SEMA6A: variants seen among roughly 807,000 people sequenced by gnomAD.
SEMA6A encodes semaphorin-6A.
SEMA6A carries 25 observed loss-of-function variants against 96.8 expected under a neutral mutation model. That is an observed-to-expected ratio of 0.26 (90% CI 0.19 to 0.36). The LOEUF (loss-of-function observed/expected upper bound fraction) is 0.36, where lower values mean the gene tolerates loss of function less well. Ranked by LOEUF, SEMA6A falls within the 10% of genes least tolerant of loss-of-function variation. SEMA6A has a pLI of 1.00. For missense variants in SEMA6A, 1,363 were observed against 1,323.1 expected (o/e 1.03, Z -0.47); for synonymous variants, 612 against 518.0 (o/e 1.18, Z -2.46).
At chr5:116,484,634 AATAAT>A (rs370798499) in intron 10 of SEMA6A, among the ~76,000 whole-genome samples, 7,604 of 128,150 alleles carry the variant, frequency 0.059, 216 homozygotes, top group Middle Eastern at 0.1. Flanking sequence ...GGAAAAAAAA[AATAAT>A]AATAATAATA....
At chr5:116,539,724 A>G (rs1407580042) in intron 1 of SEMA6A, among the ~76,000 whole-genome samples, 1 of 152,208 alleles carries the variant, frequency 6.6e-6, no homozygotes, top group Non-Finnish European at 1.5e-5. Flanking sequence ...TAGAATGGTT[A>G]AAACCATTTC....
rs560316226 is a variant in SEMA6A, at chr5:116,527,815, T to A, written c.-38-22833A>T. ...ACCCTGTGATGCACAAAACCTTGGATAAGATTAAATTTTAACAGCTTCCAA... is the reference window on the plus strand; with the variant it reads ...ACCCTGTGATGCACAAAACCTTGGAAAAGATTAAATTTTAACAGCTTCCAA... On this transcript the variant is annotated intron_variant, in intron 1 of 18. Transcript: ENST00000343348. Among the ~76,000 whole-genome samples, 4 of 152,274 alleles carry A rather than the reference T, an allele frequency of 2.6e-5. No homozygotes were observed. The East Asian group carries it at 7.7e-4, about 29-fold the overall frequency.
At chr5:116,454,012 G>A (rs948869676) in intron 18 of SEMA6A, among the ~76,000 whole-genome samples, 12 of 152,210 alleles carry the variant, frequency 7.9e-5, no homozygotes, top group South Asian at 6.2e-4. Context: ...AACCTAACTC[G>A]AAATGGTTAA....
At chr5:116,459,622 G>A (rs927595474) in intron 18 of SEMA6A, among the ~76,000 whole-genome samples, 4 of 152,150 alleles carry the variant, frequency 2.6e-5, no homozygotes, top group South Asian at 4.1e-4. Context: ...AGCTTGGAAT[G>A]CCCTTCCTCC....
intron 1 of SEMA6A, among the ~76,000 whole-genome samples, chr5:116,512,530 C>T (rs1287484242): frequency 6.6e-6 from 1 of 152,006 alleles, no homozygotes; most frequent in African/African-American, 2.4e-5. Context: ...GATCTGAAAC[C>T]ACTATCACAA....
In SEMA6A at chr5:116,446,517, G is replaced by C; in HGVS notation, c.*96C>G. 9.3e-7 allele frequency: 1 copy of C among 1,077,850 alleles called. No individual in the cohort carries two copies. The highest frequency in any genetic ancestry group is 1.3e-6 in the Non-Finnish European group (1 of 775,624). The allele number at this position is 1,077,850 out of a possible 1,614,324, so 66.8% of individuals were successfully genotyped here. On this transcript the variant is annotated 3_prime_UTR_variant, in exon 19 of 19. Transcript: ENST00000343348. ...CTCGGCTCTGCCGCAGGCCTTCTTG[G>C]TCTGGTGGGTACTCGAGGCAGTTGA...
intron 17 of SEMA6A, chr5:116,471,802 G>A (rs919922666): frequency 6.6e-6 from 1 of 152,154 alleles, no homozygotes; most frequent in African/African-American, 2.4e-5. Context: ...TTTGACACAG[G>A]GAGTGAGAGT....
intron 11 of SEMA6A, among the ~76,000 whole-genome samples, chr5:116,481,999 C>A (rs1242277487): frequency 6.6e-6 from 1 of 152,100 alleles, no homozygotes. Flanking sequence ...GAGCTCTGAT[C>A]CAGCTTGGTC....
At chr5:116,465,857 A>C (rs1755699042) in intron 18 of SEMA6A, among the ~76,000 whole-genome samples, 1 of 152,102 alleles carries the variant, frequency 6.6e-6, no homozygotes, top group Admixed American at 6.6e-5. Flanking sequence ...GCAAAAACAA[A>C]GTGATTTCTA....
chr5:116,468,774 C>A (rs1342856874), intron 17 of SEMA6A: 1 of 152,102 alleles, frequency 6.6e-6, no homozygotes, highest in East Asian at 1.9e-4. Flanking sequence ...ACCTCTTGAA[C>A]AATTTTTAAA....
Position 116,530,745 on chromosome 5 carries a change from C to T in SEMA6A, c.-38-25763G>A, listed in dbSNP as rs7718993. The stretch of plus-strand genomic sequence containing the variant: ...CTTTAAAAACAGGCCAATGAAAATG[C>T]AGAAGTTGTATTACCTTTCTTAATC... On this transcript the variant is annotated intron_variant, in intron 1 of 18. Transcript: ENST00000343348. Among the ~76,000 whole-genome samples, 927 of 152,180 alleles carry T rather than the reference C, an allele frequency of 6.1e-3. 16 individuals are homozygous for T. The highest frequency in any genetic ancestry group is 0.021 in the African/African-American group (879 of 41,514).
chr5:116,493,322 G>A (rs1757424460), intron 6 of SEMA6A, among the ~76,000 whole-genome samples: 1 of 152,072 alleles, frequency 6.6e-6, no homozygotes, highest in East Asian at 1.9e-4. Flanking sequence ...TGACAAACAG[G>A]GATGGAATAT....
chr5:116,446,685 C>G lies in SEMA6A; in HGVS notation c.3021G>C (p.Lys1007Asn). 1 of 1,570,314 alleles carries G rather than the reference C, an allele frequency of 6.4e-7. No homozygotes were observed. The highest frequency in any genetic ancestry group is 8.6e-7 in the Non-Finnish European group (1 of 1,156,926). The change falls in exon 19 of 19, where the codon AAG becomes AAC. Residue 1007 changes from lysine to asparagine, a missense_variant. Physicochemically the swap from Lys to Asn is moderately conservative, Grantham distance 94. Coordinates refer to ENST00000343348, the MANE Select transcript of SEMA6A (RefSeq NM_020796.5). ...RSGLKRTPSL[K>N]PDVPPKPSFA... is the part of the protein sequence containing the mutation. The stretch of plus-strand genomic sequence containing the variant: ...AGGATGGTTTGGGGGGTACGTCCGG[C>G]TTTAGCGAGGGCGTACGCTTCAGCC...
intron 1 of SEMA6A, among the ~76,000 whole-genome samples, chr5:116,568,248 C>T (rs754417784): frequency 3.9e-5 from 6 of 152,048 alleles, no homozygotes; most frequent in Non-Finnish European, 7.4e-5. Flanking sequence ...TTCATGATTT[C>T]GTATTATTTT....
At chr5:116,570,041 T>C (rs1426857527) in intron 1 of SEMA6A, among the ~76,000 whole-genome samples, 1 of 152,290 alleles carries the variant, frequency 6.6e-6, no homozygotes, top group Middle Eastern at 3.4e-3. Flanking sequence ...CAAGAGCTCA[T>C]CTGTTTCACA....
At chr5:116,543,698 A>G (rs1190534986) in intron 1 of SEMA6A, among the ~76,000 whole-genome samples, 1 of 152,224 alleles carries the variant, frequency 6.6e-6, no homozygotes, top group African/African-American at 2.4e-5. Context: ...AGGTAGCAGA[A>G]ATACCACTTC....
At chr5:116,516,207 G>A (rs901091807) in intron 1 of SEMA6A, among the ~76,000 whole-genome samples, 1 of 152,072 alleles carries the variant, frequency 6.6e-6, no homozygotes, top group African/African-American at 2.4e-5. Context: ...ATCATTTCAG[G>A]ATCTGCTCCA....
chr5:116,567,700 G>T (rs1761070371), intron 1 of SEMA6A, among the ~76,000 whole-genome samples: 1 of 152,174 alleles, frequency 6.6e-6, no homozygotes, highest in East Asian at 1.9e-4. Context: ...CCTCCGCAAT[G>T]CCTCTAGAGT....
At chr5:116,556,132 A>T (rs536600758) in intron 1 of SEMA6A, among the ~76,000 whole-genome samples, 6 of 152,228 alleles carry the variant, frequency 3.9e-5, no homozygotes, top group Non-Finnish European at 7.3e-5. Context: ...AGCAAAACAT[A>T]GTCACCTAAC....
Sources: allele counts gnomAD v4.1 joint callset (sites outside exome capture counted in the v4.1 genomes callset), GRCh38; gene constraint gnomAD v4.1.1; transcripts MANE v1.5; gene names NCBI Gene and HGNC (gene_info 2026-07-23, HGNC 2026-07-21).